Variants in HJURP observed in about 807,000 individuals in gnomAD.
The protein encoded by HJURP is Holliday junction recognition protein, also known as 14-3-3-associated AKT substrate.
A neutral mutation model predicts 72.0 loss-of-function variants in HJURP; 49 were observed. That is an observed-to-expected ratio of 0.68 (90% CI 0.54 to 0.86). The LOEUF (loss-of-function observed/expected upper bound fraction) is 0.86, where lower values mean the gene tolerates loss of function less well. Ranked by LOEUF, HJURP falls within the 40% of genes least tolerant of loss-of-function variation. The probability of loss-of-function intolerance (pLI) is 0.00; values close to 1 mark genes in which losing one functional copy is unlikely to be tolerated. For missense variants in HJURP, 908 were observed against 936.3 expected (o/e 0.97, Z 0.39); for synonymous variants, 357 against 347.1 (o/e 1.03, Z -0.32).
chr2:233,848,632 T>C (rs1705427076), intron 4 of HJURP, among the ~76,000 whole-genome samples: 1 of 152,110 alleles, frequency 6.6e-6, no homozygotes, highest in African/African-American at 2.4e-5. Context: ...GGCAGGGGCC[T>C]GTACTGAGGC....
intron 6 of HJURP, 117 bp from the exon 7 acceptor site, chr2:233,844,400 G>A: frequency 2.6e-6 from 2 of 756,662 alleles, no homozygotes; most frequent in South Asian, 1.5e-5. Context: ...ATGTCGACAA[G>A]CGTGTGAATG....
Position 233,837,363 on chromosome 2 carries a change from C to A in HJURP, c.*214G>T. On this transcript the variant is annotated 3_prime_UTR_variant, in exon 9 of 9. Transcript: ENST00000411486. ...ACACACATCAGAAAAACAGGCCTAT[C>A]AAAGAGAACCCTAAAAATTCTAATT... 2 of 417,482 alleles carry A rather than the reference C, an allele frequency of 4.8e-6. No homozygotes were observed. Among genetic ancestry groups the A allele is most frequent in the Non-Finnish European group, 8.6e-6 (2 of 233,034 alleles). The allele number at this position is 417,482 out of a possible 1,614,324, so 25.9% of individuals were successfully genotyped here.
chr2:233,849,517 G>A (rs936501987), intron 4 of HJURP, among the ~76,000 whole-genome samples: 3 of 152,134 alleles, frequency 2.0e-5, no homozygotes, highest in African/African-American at 7.2e-5. Context: ...TTCACATGGA[G>A]GGGCATGTTT....
rs775504280 is a variant in HJURP, at chr2:233,841,969, T to C, written c.811A>G (p.Met271Val). The part of the protein sequence containing the change: ...SDLYAGMLHS[M>V]SRLLSTKPSS... ...GGCTTTGTGCTCAACAGCCGGCTCATGGAGTGCAGCATCCCTGCGTACAGG... is the reference window on the plus strand; with the variant it reads ...GGCTTTGTGCTCAACAGCCGGCTCACGGAGTGCAGCATCCCTGCGTACAGG... Residue 271 changes from methionine to valine, a missense_variant, in exon 8 of 9, where the codon ATG becomes GTG. Around this residue, in one of 3 missense-constraint regions of HJURP, gnomAD observed 598 missense variants for 619.5 expected, o/e 0.97. Coordinates refer to ENST00000411486, the MANE Select transcript of HJURP (RefSeq NM_018410.5). 24 of 1,614,090 alleles carry C rather than the reference T, an allele frequency of 1.5e-5. No homozygotes were observed. In the East Asian group the frequency reaches 4.9e-4, roughly 33 times the overall value.
Position 233,845,730 on chromosome 2 carries a change from C to T in HJURP, c.493G>A (p.Glu165Lys). The T allele has an allele frequency of 3.2e-6, 5 of 1,586,662 alleles. No individual in the cohort carries two copies. The highest frequency in any genetic ancestry group is 4.3e-6 in the Non-Finnish European group (5 of 1,157,836). Residue 165 changes from glutamate to lysine, a missense_variant and splice_region_variant, in exon 6 of 9, where the codon GAG becomes AAG. By Grantham distance (56) the Glu-to-Lys change is moderately conservative (BLOSUM62 1). Around this residue, in one of 3 missense-constraint regions of HJURP, gnomAD observed 299 missense variants for 286.7 expected, o/e 1.04. Coordinates refer to ENST00000411486, the MANE Select transcript of HJURP (RefSeq NM_018410.5). ...CAAACAACTGGGAAACAGATTACCT[C>T]AAAATACTCTGCACCTTGTAGCAGT... Reference protein sequence around the residue: ...DILLQGAEYFECAGNRAGRDV... With the variant: ...DILLQGAEYFKCAGNRAGRDV...
At chr2:233,850,165 A>G (rs893484654) in intron 3 of HJURP, among the ~76,000 whole-genome samples, 22 of 152,268 alleles carry the variant, frequency 1.4e-4, no homozygotes, top group African/African-American at 5.1e-4. Flanking sequence ...CAGGGATGAC[A>G]GGGACTGGGG....
At chr2:233,847,333 T>C in intron 5 of HJURP, 64 bp downstream of exon 5, 1 of 1,311,038 alleles carries the variant, frequency 7.6e-7, no homozygotes, top group Non-Finnish European at 1.1e-6. Context: ...CCACATGGGC[T>C]TTGATGGACC....
chr2:233,838,116 T>C (rs540237891), intron 8 of HJURP, among the ~76,000 whole-genome samples: 3 of 152,236 alleles, frequency 2.0e-5, no homozygotes, highest in African/African-American at 4.8e-5. Context: ...AAACTCCATA[T>C]GTAGTTGCAG....
At chr2:233,843,316 G>T (rs1705277898) in intron 7 of HJURP, among the ~76,000 whole-genome samples, 1 of 152,030 alleles carries the variant, frequency 6.6e-6, no homozygotes, top group South Asian at 2.1e-4. Context: ...AGATCTCAAA[G>T]AATCACACAT....
Position 233,840,139 on chromosome 2 carries a change from T to C in HJURP, c.2171+470A>G, listed in dbSNP as rs11674162. Among the ~76,000 whole-genome samples the C allele has an allele frequency of 1.1e-3, 170 of 152,314 alleles. 1 individual carries two copies. Among genetic ancestry groups the C allele is most frequent in the Non-Finnish European group, 2.1e-3 (144 of 68,020 alleles). ...ATATCTGCAGGGCACCCCTCGCACC[T>C]GTGAGAATACTGTGCTCGTGGCTCT... On this transcript the variant is annotated intron_variant, in intron 8 of 8. Transcript: ENST00000411486.
intron 1 of HJURP, 149 bp downstream of exon 1, chr2:233,854,235 C>T: frequency 1.6e-6 from 1 of 615,152 alleles, no homozygotes. Flanking sequence ...AGCTCCGCCT[C>T]CACCTTCTCT....
At chr2:233,840,584 A>G (rs1285650150) in intron 8 of HJURP, 25 bp downstream of exon 8, 4 of 1,547,532 alleles carry the variant, frequency 2.6e-6, no homozygotes, top group Non-Finnish European at 2.6e-6. Context: ...CATAAACCAC[A>G]TTCAACCAAC....
rs1705520513 is a variant in HJURP, at chr2:233,852,588, C to T, written c.217G>A (p.Glu73Lys). The T allele has an allele frequency of 6.2e-7, 1 of 1,605,260 alleles. No individual in the cohort carries two copies. The highest frequency in any genetic ancestry group is 2.2e-5 in the East Asian group (1 of 44,854). Residue 73 changes from glutamate to lysine, a missense_variant, in exon 3 of 9, where the codon GAA becomes AAA. Coordinates refer to ENST00000411486, the MANE Select transcript of HJURP (RefSeq NM_018410.5). The stretch of plus-strand genomic sequence containing the variant: ...ACCTGGATCTCTCCTTCGTTTCTTT[C>T]CTTTATTAGTCTTCCACCCCAAATT... ...LRIWGGRLIK[E>K]RNEGEIQDSS...
Position 233,840,940 on chromosome 2 carries a change from T to C in HJURP, c.1840A>G (p.Met614Val), listed in dbSNP as rs752731724. The change falls in exon 8 of 9, where the codon ATG becomes GTG. Residue 614 changes from methionine to valine, a missense_variant. Transcript: ENST00000411486. ...CIGVSTDKASMEVRYQTEGFL... is the reference protein window; with the variant it reads ...CIGVSTDKASVEVRYQTEGFL... ...CCTTCTGTTTGATATCGAACTTCCA[T>C]ACTTGCTTTATCTGTAGACACTCCA... 1.2e-6 allele frequency: 2 copies of C among 1,614,156 alleles called. No homozygotes were observed. Among genetic ancestry groups the C allele is most frequent in the Admixed American group, 1.7e-5 (1 of 60,020 alleles).
rs141413290 is a variant in HJURP, at chr2:233,849,852, G to C, written c.248C>G (p.Ser83Cys). The part of the protein sequence containing the change: ...ERNEGEIQDS[S>C]MKPADRTDGS... Reference sequence around the variant, plus strand: ...ATCTGTCCTGTCCGCGGGCTTCATGGAGGAGTCCTCCAAGTGCAGAAGCCA... The same window carrying C: ...ATCTGTCCTGTCCGCGGGCTTCATGCAGGAGTCCTCCAAGTGCAGAAGCCA... The change falls in exon 4 of 9, where the codon TCC (serine) becomes TGC (cysteine). Residue 83 changes from serine to cysteine, a missense_variant. Around this residue, in one of 3 missense-constraint regions of HJURP, gnomAD observed 299 missense variants for 286.7 expected, o/e 1.04. Coordinates refer to ENST00000411486, the MANE Select transcript of HJURP (RefSeq NM_018410.5). 9.0e-5 allele frequency: 139 copies of C among 1,549,702 alleles called. 1 individual carries two copies. The African/African-American group carries it at 9.7e-4, about 11-fold the overall frequency.
At chr2:233,845,216 A>G (rs1003230627) in intron 6 of HJURP, among the ~76,000 whole-genome samples, 3 of 151,894 alleles carry the variant, frequency 2.0e-5, no homozygotes, top group Non-Finnish European at 4.4e-5. Flanking sequence ...CAGTGGCACA[A>G]TCTCAGCTCA....
intron 3 of HJURP, among the ~76,000 whole-genome samples, chr2:233,851,471 TC>T (rs1484265500): frequency 6.6e-6 from 1 of 152,194 alleles, no homozygotes. Context: ...ATATGTATCA[TC>T]CGGCCCTTTG....
chr2:233,840,749 C>T lies in HJURP; in HGVS notation c.2031G>A (p.Gln677=), dbSNP rs767993997. The change falls in exon 8 of 9, where the codon CAG becomes CAA. Residue 677 remains glutamine, a synonymous_variant. Coordinates refer to ENST00000411486, the MANE Select transcript of HJURP (RefSeq NM_018410.5). ...AITRDGTRDH[Q]FPAKRPRLSE... ...ATAGCCTGGGTCTTTTTGCAGGGAA[C>T]TGATGGTCCCTCGTGCCATCCCTCG... is the stretch of plus-strand genomic sequence containing the variant. 13 of 1,614,002 alleles carry T rather than the reference C, an allele frequency of 8.1e-6. No homozygotes were observed. Among genetic ancestry groups the T allele is most frequent in the African/African-American group, 1.3e-5 (1 of 74,882 alleles).
rs749279809 is a variant in HJURP, at chr2:233,840,985, T to A, written c.1795A>T (p.Met599Leu). The A allele has an allele frequency of 3.1e-6, 5 of 1,614,220 alleles. No homozygotes were observed. Among genetic ancestry groups the A allele is most frequent in the Admixed American group, 1.7e-5 (1 of 60,032 alleles). Residue 599 changes from methionine (M) to leucine (L), a missense_variant, in exon 8 of 9, where the codon ATG (methionine) becomes TTG (leucine). Met to Leu is a conservative substitution (Grantham distance 15, BLOSUM62 2). Around this residue, in one of 3 missense-constraint regions of HJURP, gnomAD observed 598 missense variants for 619.5 expected, o/e 0.97. Coordinates refer to ENST00000411486, the MANE Select transcript of HJURP (RefSeq NM_018410.5). ...QKYCLKSPGQ[M>L]TVPLCIGVST... ...ACTCCAATACATAAAGGCACTGTCA[T>A]CTGCCCAGGAGATTTGAGGCAATAC...
Sources: allele counts gnomAD v4.1 joint callset (sites outside exome capture counted in the v4.1 genomes callset), GRCh38; gene constraint gnomAD v4.1.1; regional missense constraint gnomAD v4.1.1; transcripts MANE v1.5; gene names NCBI Gene and HGNC (gene_info 2026-07-23, HGNC 2026-07-21).